The following PAN3 variants were observed in gnomAD, a reference collection of about 807,000 sequenced individuals.
The protein encoded by PAN3 is PAN2-PAN3 deadenylation complex subunit PAN3.
A neutral mutation model predicts 96.2 loss-of-function variants in PAN3; 19 were observed. The ratio of observed to expected loss-of-function variants is 0.20; its 90% confidence interval spans 0.14 to 0.29. PAN3 has a LOEUF of 0.29. Ranked by LOEUF, PAN3 falls within the 10% of genes least tolerant of loss-of-function variation. The pLI is 1.00. For missense variants in PAN3, 882 were observed against 1,108.1 expected (o/e 0.80, Z 2.90); for synonymous variants, 433 against 406.6 (o/e 1.06, Z -0.78).
At chr13:28,216,134 A>G (rs1276947021) in intron 5 of PAN3, among the ~76,000 whole-genome samples, 2 of 151,598 alleles carry the variant, frequency 1.3e-5, no homozygotes, top group African/African-American at 4.9e-5. Flanking sequence ...GTACGTTTTA[A>G]TGGAAACAAC....
chr13:28,201,630 C>T (rs955240483), intron 5 of PAN3, among the ~76,000 whole-genome samples: 13 of 151,900 alleles, frequency 8.6e-5, no homozygotes, highest in Non-Finnish European at 1.9e-4. Context: ...GAACTCCTGG[C>T]CTCAAGTGAT....
At chr13:28,238,800 CTT>C (rs939141741) in intron 6 of PAN3, among the ~76,000 whole-genome samples, 1 of 151,708 alleles carries the variant, frequency 6.6e-6, no homozygotes, top group Non-Finnish European at 1.5e-5. Flanking sequence ...ATTTTTTCCC[CTT>C]TTTTTTCATA....
rs1878167915 is a variant in PAN3, at chr13:28,197,252, C to T, written c.758C>T (p.Ala253Val). 1.2e-6 allele frequency: 2 copies of T among 1,613,206 alleles called. No homozygotes were observed. The highest frequency in any genetic ancestry group is 2.7e-5 in the African/African-American group (2 of 74,870). Reference protein sequence around the residue: ...LVPMGSKARKAKNPIGCLADR... With the variant: ...LVPMGSKARKVKNPIGCLADR... ...CCGATGGGATCAAAGGCACGAAAAG[C>T]AAAGAACCCTATTGGCTGCCTTGCT... Residue 253 changes from alanine to valine, a missense_variant, in exon 5 of 19, where the codon GCA becomes GTA. Physicochemically the swap from Ala to Val is moderately conservative, Grantham distance 64. Around this residue, in one of 3 missense-constraint regions of PAN3, gnomAD observed 442 missense variants for 422.8 expected, o/e 1.05. Coordinates refer to ENST00000380958, the MANE Select transcript of PAN3 (RefSeq NM_175854.8).
intron 5 of PAN3, among the ~76,000 whole-genome samples, chr13:28,213,402 A>G (rs184502299): frequency 1.8e-3 from 274 of 152,274 alleles, no homozygotes; most frequent in African/African-American, 6.2e-3. Context: ...AAATAATACA[A>G]ATTGTAGACA....
chr13:28,226,771 A>C (rs1882044061), intron 6 of PAN3, among the ~76,000 whole-genome samples: 1 of 152,214 alleles, frequency 6.6e-6, no homozygotes, highest in Non-Finnish European at 1.5e-5. Flanking sequence ...AAAACTAGAC[A>C]CTGTGTTTTG....
intron 9 of PAN3, 68 bp downstream of exon 9, chr13:28,261,526 T>C: frequency 7.1e-7 from 1 of 1,399,360 alleles, no homozygotes; most frequent in Non-Finnish European, 1.0e-6. Flanking sequence ...AGTACATGTT[T>C]TATGCATTAT....
chr13:28,178,459 G>A (rs1213063522), intron 4 of PAN3, among the ~76,000 whole-genome samples: 13 of 152,150 alleles, frequency 8.5e-5, no homozygotes. Flanking sequence ...ATGGATTTTT[G>A]AAGTATTTTA....
chr13:28,179,218 C>T (rs1436528152), intron 4 of PAN3, among the ~76,000 whole-genome samples: 4 of 152,096 alleles, frequency 2.6e-5, no homozygotes, highest in Admixed American at 6.5e-5. Flanking sequence ...TTTCTAAATC[C>T]GTATGTTAGC....
At chr13:28,236,776 T>C (rs1883149513) in intron 6 of PAN3, among the ~76,000 whole-genome samples, 1 of 152,228 alleles carries the variant, frequency 6.6e-6, no homozygotes, top group Admixed American at 6.5e-5. Flanking sequence ...AGCAGGGTTC[T>C]TTTTATTTTT....
At chr13:28,288,170 G>T in intron 18 of PAN3, 48 bp downstream of exon 18, 1 of 1,478,976 alleles carries the variant, frequency 6.8e-7, no homozygotes, top group South Asian at 1.3e-5. Context: ...CCTATAATTT[G>T]TATAGAGTTG....
chr13:28,157,589 A>C (rs1274387497), intron 1 of PAN3, among the ~76,000 whole-genome samples: 1 of 152,220 alleles, frequency 6.6e-6, no homozygotes, highest in Non-Finnish European at 1.5e-5. Context: ...TGCCAAATCA[A>C]GAATGCAATC....
chr13:28,234,159 G>GCTTC (rs1479054595), intron 6 of PAN3, among the ~76,000 whole-genome samples: 2 of 152,130 alleles, frequency 1.3e-5, no homozygotes, highest in African/African-American at 4.8e-5. Context: ...GGGAGAACAG[G>GCTTC]CTTCCCCCTT....
chr13:28,274,022 T>G (rs1886851745), intron 14 of PAN3, among the ~76,000 whole-genome samples: 1 of 152,212 alleles, frequency 6.6e-6, no homozygotes. Flanking sequence ...CCCAAAGACT[T>G]GCAGGCACTC....
At chr13:28,153,375 A>G (rs999823378) in intron 1 of PAN3, among the ~76,000 whole-genome samples, 13 of 150,816 alleles carry the variant, frequency 8.6e-5, no homozygotes, top group Non-Finnish European at 1.8e-4. Flanking sequence ...AGCTGGGATT[A>G]TAGGCACCCA....
At chr13:28,251,323 G>A (rs1278617912) in intron 6 of PAN3, among the ~76,000 whole-genome samples, 2 of 152,128 alleles carry the variant, frequency 1.3e-5, no homozygotes, top group South Asian at 2.1e-4. Context: ...GTACATGCTC[G>A]TTCTTATGAG....
intron 6 of PAN3, among the ~76,000 whole-genome samples, chr13:28,229,919 G>T (rs977470692): frequency 6.6e-6 from 1 of 152,062 alleles, no homozygotes; most frequent in African/African-American, 2.4e-5. Flanking sequence ...TGCTTGTCCT[G>T]GGACTTCATT....
intron 1 of PAN3, among the ~76,000 whole-genome samples, chr13:28,173,402 A>G (rs1874555122): frequency 6.6e-6 from 1 of 152,248 alleles, no homozygotes; most frequent in Non-Finnish European, 1.5e-5. Flanking sequence ...GTAATCACCA[A>G]AAGATATGAA....
chr13:28,182,855 A>G (rs1214516907), intron 4 of PAN3, among the ~76,000 whole-genome samples: 1 of 152,178 alleles, frequency 6.6e-6, no homozygotes, highest in Non-Finnish European at 1.5e-5. Context: ...CTCTGTTACA[A>G]AACTTACTGA....
intron 17 of PAN3, among the ~76,000 whole-genome samples, chr13:28,282,951 G>GT (rs989396467): frequency 2.0e-5 from 3 of 151,844 alleles, no homozygotes; most frequent in Non-Finnish European, 2.9e-5. Context: ...AAAAAGGTGA[G>GT]TTTTTTTAGT....
Sources: gnomAD v4.1 joint callset for allele counts (sites outside exome capture counted in the v4.1 genomes callset) on GRCh38, gnomAD v4.1.1 for gene constraint, gnomAD v4.1.1 regional missense constraint, MANE v1.5 for transcripts, NCBI Gene and HGNC (gene_info 2026-07-23, HGNC 2026-07-21) for gene names.